Variants in TRIM36 observed in about 807,000 individuals in gnomAD.
TRIM36 encodes the protein tripartite motif containing 36.
Under a neutral mutation model 72.4 loss-of-function variants are expected in TRIM36, and 42 were observed. The observed-to-expected ratio is 0.58, with a 90% CI of 0.45 to 0.75. TRIM36 has a LOEUF of 0.75. Ranked by LOEUF, TRIM36 falls within the 30% of genes least tolerant of loss-of-function variation. The pLI is 0.00. For missense variants in TRIM36, 913 were observed against 857.1 expected (o/e 1.07, Z -0.81); for synonymous variants, 315 against 282.8 (o/e 1.11, Z -1.14).
chr5:115,172,115 A>G (rs1305036690), upstream of TRIM36, among the ~76,000 whole-genome samples: 1 of 152,186 alleles, frequency 6.6e-6, no homozygotes, highest in Non-Finnish European at 1.5e-5. Context: ...TCACCAAGTA[A>G]TGGTATCATT....
At chr5:115,152,987 G>T (rs1580681447) in intron 2 of TRIM36, among the ~76,000 whole-genome samples, 4 of 152,000 alleles carry the variant, frequency 2.6e-5, no homozygotes, top group Admixed American at 2.6e-4. Context: ...AAAAAACAAG[G>T]TACACAGGCA....
intron 8 of TRIM36, among the ~76,000 whole-genome samples, chr5:115,133,264 A>T (rs1482803497): frequency 2.0e-5 from 3 of 152,138 alleles, no homozygotes; most frequent in African/African-American, 7.2e-5. Context: ...ATTCTATAAA[A>T]ATCTTTAGGC....
intron 7 of TRIM36, among the ~76,000 whole-genome samples, chr5:115,136,066 G>T (rs531177849): frequency 1.2e-4 from 18 of 152,152 alleles, no homozygotes; most frequent in African/African-American, 3.9e-4. Flanking sequence ...AAATACAAAC[G>T]TAAGCAAGTG....
chr5:115,172,454 T>C (rs1228768645), upstream of TRIM36, among the ~76,000 whole-genome samples: 2 of 152,138 alleles, frequency 1.3e-5, no homozygotes, highest in Non-Finnish European at 2.9e-5. Context: ...TTCTAAAATA[T>C]AATGTGTGCA....
At chr5:115,126,929 AAT>A (rs1479682914) in intron 9 of TRIM36, 72 bp from the exon 10 acceptor site, 7 of 1,391,810 alleles carry the variant, frequency 5.0e-6, no homozygotes, top group Admixed American at 2.3e-5. Flanking sequence ...TTCACAGGAT[AAT>A]ATACATTGAT....
intron 3 of TRIM36, 98 bp downstream of exon 3, chr5:115,146,971 G>A (rs531565908): frequency 1.6e-6 from 2 of 1,232,528 alleles, no homozygotes; most frequent in Non-Finnish European, 2.2e-6. Context: ...TTTCTGTCAA[G>A]TTCTAGACTT....
chr5:115,130,279 G>A (rs1357387315), intron 9 of TRIM36, among the ~76,000 whole-genome samples: 2 of 152,150 alleles, frequency 1.3e-5, no homozygotes, highest in Admixed American at 6.5e-5. Context: ...CAGACGCATT[G>A]TATTATATAC....
chr5:115,131,509 G>A (rs1207164474), intron 8 of TRIM36, among the ~76,000 whole-genome samples: 1 of 152,140 alleles, frequency 6.6e-6, no homozygotes, highest in African/African-American at 2.4e-5. Context: ...CCATAAGTCT[G>A]TATCAACTCA....
intron 3 of TRIM36, among the ~76,000 whole-genome samples, chr5:115,145,683 T>C (rs1451254049): frequency 1.3e-5 from 2 of 152,192 alleles, no homozygotes; most frequent in Non-Finnish European, 2.9e-5. Flanking sequence ...TGTGCCACCA[T>C]GCCCAGCTAA....
rs1176801846 is a variant in TRIM36, at chr5:115,154,219, C to T, written c.263-6825G>A. Among the ~76,000 whole-genome samples, 6 of 151,934 alleles carry T rather than the reference C, an allele frequency of 3.9e-5. No homozygotes were observed. The East Asian group carries it at 7.7e-4, about 20-fold the overall frequency. On this transcript the variant is annotated intron_variant, in intron 2 of 9. Transcript: ENST00000513154. ...GACGAAAGTTCACAGCCCTAAACGC[C>T]TACATGAAAAAGTCTGAAAGAGCAC...
upstream of TRIM36, chr5:115,169,913 G>C (rs1482728416): frequency 1.6e-5 from 20 of 1,288,558 alleles, no homozygotes; most frequent in Non-Finnish European, 2.0e-5. Flanking sequence ...GACTGCGGCT[G>C]GGAACGGCGC....
At chr5:115,151,197 TG>T (rs749647636) in intron 2 of TRIM36, among the ~76,000 whole-genome samples, 4 of 152,134 alleles carry the variant, frequency 2.6e-5, no homozygotes, top group Non-Finnish European at 5.9e-5. Flanking sequence ...GGGGGTACAG[TG>T]GAAGTGGGAC....
At chr5:115,171,304 G>A, upstream of TRIM36, 8 of 1,572,168 alleles carry the variant, frequency 5.1e-6, no homozygotes, top group South Asian at 7.9e-5. Flanking sequence ...TACAGATGAG[G>A]TGAACAGAGG....
At chr5:115,152,563 A>G (rs1002757267) in intron 2 of TRIM36, among the ~76,000 whole-genome samples, 1 of 152,324 alleles carries the variant, frequency 6.6e-6, no homozygotes, top group Admixed American at 6.5e-5. Context: ...GCCCAGGAAC[A>G]CTGTCGTCAG....
chr5:115,126,517 G>C lies in TRIM36; in HGVS notation c.2137C>G (p.Gln713Glu), dbSNP rs3749745. ...EPITAKYLEY[Q>E]EDM ...AGATGTTTCAACTACATGTCCTCTTGGTATTCCAGATATTTTGCTGTGATG... is the reference window on the plus strand; with the variant it reads ...AGATGTTTCAACTACATGTCCTCTTCGTATTCCAGATATTTTGCTGTGATG... Residue 713 changes from glutamine (Q) to glutamate (E), a missense_variant, in exon 10 of 10, where the codon CAA becomes GAA. Transcript: ENST00000513154. 4.4e-4 allele frequency: 710 copies of C among 1,607,046 alleles called. 8 individuals carry two copies. The East Asian group carries it at 0.015, about 34-fold the overall frequency.
chr5:115,127,882 C>T (rs1363338609), intron 9 of TRIM36, among the ~76,000 whole-genome samples: 2 of 152,046 alleles, frequency 1.3e-5, no homozygotes, highest in Non-Finnish European at 2.9e-5. Context: ...GCACTGTTAT[C>T]CTAGGAAATG....
intron 2 of TRIM36, chr5:115,148,412 G>GTTATTTTT: frequency 1.6e-6 from 1 of 633,858 alleles, no homozygotes; most frequent in Non-Finnish European, 1.8e-6. Context: ...TTGTAAATCT[G>GTTATTTTT]TTCTTTTTTT....
intron 9 of TRIM36, 52 bp downstream of exon 9, chr5:115,130,540 T>A: frequency 6.5e-7 from 1 of 1,540,316 alleles, no homozygotes; most frequent in Non-Finnish European, 8.7e-7. Context: ...AAATCTATTT[T>A]CAGGCTTACT....
chr5:115,147,380 A>C lies in TRIM36; in HGVS notation c.277T>G (p.Ser93Ala), dbSNP rs768074666. 3.1e-6 allele frequency: 5 copies of C among 1,612,018 alleles called. No individual in the cohort carries two copies. Among genetic ancestry groups the C allele is most frequent in the Non-Finnish European group, 4.2e-6 (5 of 1,178,062 alleles). ...AAAACAGTTGTCCTCGGGGTCAATG[A>C]ATTGCGCTTCCAGCCTGTGTAATTA... The part of the protein sequence containing the change: ...RINRPGWKRN[S>A]LTPRTTVFPC... The change falls in exon 3 of 10, where the codon TCA becomes GCA. Residue 93 changes from serine to alanine, a missense_variant. Transcript: ENST00000513154.
Sources: allele counts gnomAD v4.1 joint callset (sites outside exome capture counted in the v4.1 genomes callset), GRCh38; gene constraint gnomAD v4.1.1; transcripts MANE v1.5; gene names NCBI Gene and HGNC (gene_info 2026-07-23, HGNC 2026-07-21).